The following FAR2 variants were observed in gnomAD, a reference collection of about 807,000 sequenced individuals.
FAR2 encodes the protein epididymis secretory protein Li 81.
In FAR2, 19 loss-of-function variants were observed where a neutral mutation model predicts 56.0. That is an observed-to-expected ratio of 0.34 (90% CI 0.24 to 0.50). The LOEUF (loss-of-function observed/expected upper bound fraction) is 0.50, where lower values mean the gene tolerates loss of function less well. Ranked by LOEUF, FAR2 falls within the 20% of genes least tolerant of loss-of-function variation. The probability of loss-of-function intolerance (pLI) is 0.98; values close to 1 mark genes in which losing one functional copy is unlikely to be tolerated. For missense variants in FAR2, 508 were observed against 642.2 expected, an observed-to-expected ratio of 0.79 and a Z score of 2.26; for synonymous variants, 219 against 218.8, an observed-to-expected ratio of 1.00 and a Z score of -0.01.
chr12:29,157,106 T>TTATTTA (rs1555176818), intron 1 of FAR2: 1 of 73,458 alleles, frequency 1.4e-5, no homozygotes, highest in East Asian at 5.4e-4. Flanking sequence ...AAAGAACATT[T>TTATTTA]TATATATATA....
intron 2 of FAR2, among the ~76,000 whole-genome samples, chr12:29,289,804 TAA>T (rs1471622718): frequency 1.3e-5 from 2 of 152,122 alleles, no homozygotes; most frequent in Admixed American, 6.6e-5. Context: ...GATAAAGGAT[TAA>T]TAACCAGAAT....
At chr12:29,243,167 G>C (rs959733507) in intron 1 of FAR2, among the ~76,000 whole-genome samples, 1 of 152,170 alleles carries the variant, frequency 6.6e-6, no homozygotes, top group Non-Finnish European at 1.5e-5. Context: ...ATTGGTTAGG[G>C]GATGTATTTT....
rs57435586 is a variant in FAR2 at position 29,308,689 on chromosome 12, GACACACACACAC to G, written c.724-477_724-466del. Among the ~76,000 whole-genome samples the G allele has an allele frequency of 1.5e-3, 212 of 137,314 alleles. 8 individuals carry two copies. The highest frequency in any genetic ancestry group is 4.3e-3 in the African/African-American group (145 of 33,432). 90.1% of individuals were successfully genotyped at this position (137,314 alleles called of 152,430 possible). On this transcript the variant is annotated intron_variant, in intron 5 of 11. Coordinates refer to ENST00000536681, the MANE Select transcript of FAR2 (RefSeq NM_001271783.2). ...AAGTCAATATACACACAGACACACA[GACACACACACAC>G]ACACACACACACACACACATATATA...
chr12:29,237,971 G>T (rs562025174), intron 1 of FAR2, among the ~76,000 whole-genome samples: 1 of 152,112 alleles, frequency 6.6e-6, no homozygotes, highest in South Asian at 2.1e-4. Context: ...ACCAATGCAC[G>T]ATGTTAAAAC....
At chr12:29,218,747 G>C (rs1947651696) in intron 1 of FAR2, among the ~76,000 whole-genome samples, 1 of 152,066 alleles carries the variant, frequency 6.6e-6, no homozygotes, top group African/African-American at 2.4e-5. Context: ...CTTAAAAGCA[G>C]CTAGAAGGGG....
intron 1 of FAR2, among the ~76,000 whole-genome samples, chr12:29,252,889 G>A (rs1214294447): frequency 1.3e-5 from 2 of 152,186 alleles, no homozygotes. Flanking sequence ...GGATATTTCT[G>A]TGAAGGTGCT....
chr12:29,311,517 G>A (rs899872643), intron 7 of FAR2, among the ~76,000 whole-genome samples: 3 of 151,920 alleles, frequency 2.0e-5, no homozygotes, highest in Non-Finnish European at 4.4e-5. Flanking sequence ...AATGCCAAAA[G>A]TTCAGTCACG....
At chr12:29,256,193 T>C (rs969823800) in intron 1 of FAR2, among the ~76,000 whole-genome samples, 3 of 151,982 alleles carry the variant, frequency 2.0e-5, no homozygotes, top group African/African-American at 7.2e-5. Flanking sequence ...AAAATTATTA[T>C]TGTTTTTTTT....
chr12:29,171,102 C>T (rs1341952606), intron 1 of FAR2, among the ~76,000 whole-genome samples: 2 of 152,236 alleles, frequency 1.3e-5, no homozygotes, highest in Non-Finnish European at 2.9e-5. Context: ...TCCAGGATTC[C>T]TCAGATGGTA....
intron 2 of FAR2, among the ~76,000 whole-genome samples, chr12:29,284,954 G>C (rs970596903): frequency 1.3e-5 from 2 of 152,074 alleles, no homozygotes; most frequent in African/African-American, 4.8e-5. Flanking sequence ...CCATTCTCCT[G>C]CCTTAGCCTC....
intron 4 of FAR2, among the ~76,000 whole-genome samples, chr12:29,298,873 C>A (rs1197682357): frequency 6.6e-6 from 1 of 152,112 alleles, no homozygotes; most frequent in East Asian, 1.9e-4. Flanking sequence ...CCTGACAGGT[C>A]ATAGTGCAAT....
At chr12:29,274,772 C>T (rs1948679356) in intron 2 of FAR2, among the ~76,000 whole-genome samples, 1 of 151,644 alleles carries the variant, frequency 6.6e-6, no homozygotes, top group Non-Finnish European at 1.5e-5. Flanking sequence ...ACCCCCACTC[C>T]TGCCCGCCAG....
chr12:29,332,875 C>G, intron 11 of FAR2, 148 bp downstream of exon 11: 1 of 788,328 alleles, frequency 1.3e-6, no homozygotes, highest in Admixed American at 2.0e-5. Flanking sequence ...CCCTGTAACA[C>G]AGTTTCATTT....
At chr12:29,260,284 G>T (rs959038878) in intron 1 of FAR2, among the ~76,000 whole-genome samples, 2 of 152,202 alleles carry the variant, frequency 1.3e-5, no homozygotes, top group African/African-American at 4.8e-5. Flanking sequence ...GAGGCAAGAG[G>T]TAGAAGAAAC....
At chr12:29,298,036 C>CAAAAA (rs71042980) in intron 4 of FAR2, among the ~76,000 whole-genome samples, 45 of 123,532 alleles carry the variant, frequency 3.6e-4, no homozygotes, top group African/African-American at 6.2e-4. Context: ...AACTCCGTCT[C>CAAAAA]AAAAAAAAAA....
chr12:29,205,077 A>G (rs554433738), intron 1 of FAR2, among the ~76,000 whole-genome samples: 2 of 152,350 alleles, frequency 1.3e-5, no homozygotes, highest in African/African-American at 2.4e-5. Context: ...TATGATATCA[A>G]AATAATTACA....
intron 3 of FAR2, 85 bp downstream of exon 3, chr12:29,293,560 C>A: frequency 8.3e-7 from 1 of 1,210,222 alleles, no homozygotes; most frequent in Non-Finnish European, 1.1e-6. Context: ...AAAAGAAATA[C>A]ACTCTAAACA....
intron 2 of FAR2, among the ~76,000 whole-genome samples, chr12:29,274,101 G>A (rs1318272058): frequency 1.3e-5 from 2 of 151,796 alleles, no homozygotes; most frequent in South Asian, 2.1e-4. Flanking sequence ...GTGCAGGTTT[G>A]TTACATATGT....
Position 29,230,463 on chromosome 12 carries a change from A to G in FAR2, c.-38-39949A>G, listed in dbSNP as rs565861925. Among the ~76,000 whole-genome samples, 3 of 152,030 alleles carry G rather than the reference A, an allele frequency of 2.0e-5. No homozygotes were observed. In the East Asian group the frequency reaches 5.8e-4, roughly 30 times the overall value. On this transcript the variant is annotated intron_variant, in intron 1 of 11. Transcript: ENST00000536681. The stretch of plus-strand genomic sequence containing the variant: ...GCAGTGATAGGAAATGCAATCAGAG[A>G]GGTCATGGGGCCACATTGTCCAGTG...
Sources: gnomAD v4.1 joint callset for allele counts (sites outside exome capture counted in the v4.1 genomes callset) on GRCh38, gnomAD v4.1.1 for gene constraint, MANE v1.5 for transcripts, NCBI Gene and HGNC (gene_info 2026-07-23, HGNC 2026-07-21) for gene names.